KLHL7: variants seen among roughly 807,000 people sequenced by gnomAD.
KLHL7 encodes kelch like family member 7.
A neutral mutation model predicts 67.4 loss-of-function variants in KLHL7; 44 were observed. The ratio of observed to expected loss-of-function variants is 0.65; its 90% CI spans 0.51 to 0.84. The LOEUF (loss-of-function observed/expected upper bound fraction) is 0.84. Ranked by LOEUF, KLHL7 falls within the 40% of genes least tolerant of loss-of-function variation. The probability of loss-of-function intolerance (pLI) is 0.00; values close to 1 mark genes in which losing one functional copy is unlikely to be tolerated. For synonymous variants in KLHL7, 252 were observed against 243.3 expected (o/e 1.04, Z -0.33); for missense variants, 362 against 718.1 (o/e 0.50, Z 5.67).
At chr7:23,118,097 T>C (rs1434235228) in intron 1 of KLHL7, 9 of 1,031,950 alleles carry the variant, frequency 8.7e-6, no homozygotes, top group Middle Eastern at 2.1e-4. Flanking sequence ...AGCACTTACA[T>C]GGACCCAACT....
At chr7:23,145,638 T>C (rs1784332050) in intron 6 of KLHL7, among the ~76,000 whole-genome samples, 1 of 152,236 alleles carries the variant, frequency 6.6e-6, no homozygotes, top group South Asian at 2.1e-4. Flanking sequence ...TATTTGTAGA[T>C]ATTGTCTCAG....
At chr7:23,143,247 T>C (rs1035396121) in intron 5 of KLHL7, among the ~76,000 whole-genome samples, 3 of 152,316 alleles carry the variant, frequency 2.0e-5, no homozygotes, top group Non-Finnish European at 2.9e-5. Context: ...AGTTAAATTA[T>C]GTTGAGGAAC....
intron 5 of KLHL7, among the ~76,000 whole-genome samples, chr7:23,143,499 T>C (rs780570778): frequency 2.0e-5 from 3 of 152,178 alleles, no homozygotes; most frequent in Non-Finnish European, 4.4e-5. Context: ...GGTACTAAAC[T>C]AAATGAGTAT....
At chr7:23,156,248 A>G (rs960037983) in intron 7 of KLHL7, 5 of 189,732 alleles carry the variant, frequency 2.6e-5, no homozygotes, top group Non-Finnish European at 4.5e-5. Context: ...TATAGCAAAG[A>G]AAAATCTTTT....
intron 6 of KLHL7, among the ~76,000 whole-genome samples, chr7:23,147,094 C>CTTTTTTTTTTTTTTTTTTTTT (rs397889904): frequency 8.4e-6 from 1 of 118,580 alleles, no homozygotes. Flanking sequence ...TTAACCTGGA[C>CTTTTTTTTTTTTTTTTTTTTT]TTTTTTTTTT....
At chr7:23,154,251 A>T (rs1015847511) in intron 7 of KLHL7, among the ~76,000 whole-genome samples, 1 of 152,208 alleles carries the variant, frequency 6.6e-6, no homozygotes, top group African/African-American at 2.4e-5. Flanking sequence ...GCTACTCGGG[A>T]GGCTGAGGCA....
chr7:23,111,663 A>G (rs899055531), intron 1 of KLHL7, among the ~76,000 whole-genome samples: 12 of 151,972 alleles, frequency 7.9e-5, no homozygotes, highest in Admixed American at 1.3e-4. Flanking sequence ...TTTACTAAAA[A>G]TACAAAAAAT....
chr7:23,125,936 C>T (rs1335619012), intron 4 of KLHL7: 1 of 1,205,216 alleles, frequency 8.3e-7, no homozygotes, highest in Non-Finnish European at 1.2e-6. Context: ...AGTACTGAAT[C>T]CTATATATAC....
intron 4 of KLHL7, chr7:23,125,693 G>T: frequency 9.2e-6 from 13 of 1,417,614 alleles, no homozygotes; most frequent in Non-Finnish European, 1.2e-5. Flanking sequence ...TATAAATTAA[G>T]ATACTAACTG....
At chr7:23,135,175 T>C (rs1783933530) in intron 4 of KLHL7, among the ~76,000 whole-genome samples, 1 of 152,250 alleles carries the variant, frequency 6.6e-6, no homozygotes, top group Non-Finnish European at 1.5e-5. Flanking sequence ...GCCTTTTTAA[T>C]GTCTTCAGTG....
intron 9 of KLHL7, among the ~76,000 whole-genome samples, chr7:23,171,712 T>C (rs1785167389): frequency 6.6e-6 from 1 of 152,236 alleles, no homozygotes; most frequent in East Asian, 1.9e-4. Flanking sequence ...ATTCATCAAA[T>C]TGTTTTTTGT....
intron 1 of KLHL7, among the ~76,000 whole-genome samples, chr7:23,108,927 C>T (rs1782754666): frequency 2.6e-5 from 4 of 152,298 alleles, no homozygotes; most frequent in Admixed American, 2.6e-4. Context: ...TCCATTCTAT[C>T]ATTATGAACA....
intron 7 of KLHL7, among the ~76,000 whole-genome samples, chr7:23,161,587 T>C (rs1442625888): frequency 6.6e-6 from 1 of 152,214 alleles, no homozygotes; most frequent in African/African-American, 2.4e-5. Flanking sequence ...GATGAAAGCC[T>C]GGCCCTCAAC....
rs571295756 is a variant in KLHL7, at chr7:23,158,707, T to G, written c.936+6498T>G. 4.6e-5 allele frequency among the ~76,000 whole-genome samples: 7 copies of G among 152,338 alleles called. No individual in the cohort carries two copies. In the South Asian group the frequency reaches 1.4e-3, roughly 32 times the overall value. On this transcript the variant is annotated intron_variant, in intron 7 of 10. Transcript: ENST00000339077. Reference sequence around the variant, plus strand: ...AGCAAGGGATATGAAAGACACATACTACAGGACCCTGTCCTCACACACACA... The same window carrying G: ...AGCAAGGGATATGAAAGACACATACGACAGGACCCTGTCCTCACACACACA...
In KLHL7 at chr7:23,174,710, A is replaced by G. The variant is rs959633695; in HGVS notation, c.*412A>G. ...TTTGTGCTCAGTCAAGAACTAAGAA[A>G]TAGTATGAATTGTAAGTCAAGATGG... is the stretch of plus-strand genomic sequence containing the variant. On this transcript the variant is annotated 3_prime_UTR_variant, in exon 11 of 11. Coordinates refer to ENST00000339077, the MANE Select transcript of KLHL7 (RefSeq NM_001031710.3). 3 of 455,742 alleles carry G rather than the reference A, an allele frequency of 6.6e-6. No individual in the cohort carries two copies. Among genetic ancestry groups the G allele is most frequent in the African/African-American group, 6.0e-5 (3 of 50,086 alleles). 28.2% of individuals were successfully genotyped at this position (455,742 alleles called of 1,614,324 possible).
At chr7:23,111,983 A>T (rs1782892203) in intron 1 of KLHL7, among the ~76,000 whole-genome samples, 1 of 152,228 alleles carries the variant, frequency 6.6e-6, no homozygotes, top group East Asian at 1.9e-4. Context: ...CATAAGCAAC[A>T]TCAATGAAGA....
chr7:23,108,681 G>C (rs1782745344), intron 1 of KLHL7, among the ~76,000 whole-genome samples: 1 of 152,218 alleles, frequency 6.6e-6, no homozygotes, highest in Non-Finnish European at 1.5e-5. Flanking sequence ...CTGTTATTAA[G>C]AGGAGCTCTT....
intron 7 of KLHL7, among the ~76,000 whole-genome samples, chr7:23,157,899 A>C (rs1352982088): frequency 6.6e-6 from 1 of 152,188 alleles, no homozygotes; most frequent in Non-Finnish European, 1.5e-5. Context: ...ACAGAGCTGC[A>C]CATATTCGAT....
intron 7 of KLHL7, among the ~76,000 whole-genome samples, chr7:23,159,804 A>G (rs951194208): frequency 1.3e-5 from 2 of 152,230 alleles, no homozygotes; most frequent in Non-Finnish European, 2.9e-5. Context: ...TGCTAGGATT[A>G]CAGCCTTGCC....
Sources: gnomAD v4.1 joint callset for allele counts (sites outside exome capture counted in the v4.1 genomes callset) on GRCh38, gnomAD v4.1.1 for gene constraint, MANE v1.5 for transcripts, NCBI Gene and HGNC (gene_info 2026-07-23, HGNC 2026-07-21) for gene names.